The following UHRF2 variants were observed in gnomAD, a reference collection of about 807,000 sequenced individuals.
The protein encoded by UHRF2 is E3 ubiquitin-protein ligase UHRF2.
In UHRF2, 23 loss-of-function variants were observed where a neutral mutation model predicts 96.8. The ratio of observed to expected loss-of-function variants is 0.24; its 90% CI spans 0.17 to 0.34. The LOEUF is 0.34. Among genes scored for constraint, UHRF2 ranks in the 10% least tolerant of loss-of-function variants. The pLI is 1.00. For synonymous variants in UHRF2, 385 were observed against 332.6 expected (o/e 1.16, Z -1.72); for missense variants, 685 against 981.5 (o/e 0.70, Z 4.04).
At chr9:6,440,146 C>T (rs1369416205) in intron 3 of UHRF2, among the ~76,000 whole-genome samples, 1 of 152,098 alleles carries the variant, frequency 6.6e-6, no homozygotes, top group Non-Finnish European at 1.5e-5. Context: ...CAAGTAGAGA[C>T]CCTGAAGCTA....
At chr9:6,432,185 T>C (rs2130762587) in intron 2 of UHRF2, among the ~76,000 whole-genome samples, 1 of 152,340 alleles carries the variant, frequency 6.6e-6, no homozygotes, top group Admixed American at 6.5e-5. Context: ...CTTAGGTTTT[T>C]ATTTTTTCCT....
At chr9:6,465,902 A>G (rs770571572) in intron 4 of UHRF2, among the ~76,000 whole-genome samples, 2 of 152,218 alleles carry the variant, frequency 1.3e-5, no homozygotes, top group South Asian at 2.1e-4. Flanking sequence ...ATCAAATTCT[A>G]TTTTCATGTT....
intron 5 of UHRF2, among the ~76,000 whole-genome samples, chr9:6,476,708 C>T (rs976233644): frequency 1.3e-5 from 2 of 152,070 alleles, no homozygotes; most frequent in African/African-American, 4.8e-5. Context: ...GATTCTCCTG[C>T]CTTAGCCTCT....
At chr9:6,494,110 G>A (rs1349192606) in intron 10 of UHRF2, 178 bp downstream of exon 10, 1 of 526,476 alleles carries the variant, frequency 1.9e-6, no homozygotes, top group Non-Finnish European at 3.3e-6. Flanking sequence ...TCTTTATACT[G>A]TTATTTTTTA....
At chr9:6,456,233 T>C (rs1822165662) in intron 3 of UHRF2, among the ~76,000 whole-genome samples, 1 of 152,222 alleles carries the variant, frequency 6.6e-6, no homozygotes, top group South Asian at 2.1e-4. Flanking sequence ...CCATTCTAAC[T>C]GGCGTGATAT....
At chr9:6,413,837 C>A in intron 1 of UHRF2, 194 bp downstream of exon 1, 2 of 606,920 alleles carry the variant, frequency 3.3e-6, no homozygotes, top group East Asian at 7.3e-5. Flanking sequence ...TCCCTGCCAG[C>A]CCCAACTGGA....
intron 10 of UHRF2, 146 bp downstream of exon 10, chr9:6,494,078 T>G (rs1824828107): frequency 1.5e-6 from 1 of 647,778 alleles, no homozygotes; most frequent in Middle Eastern, 4.2e-4. Flanking sequence ...ATTATGTAAT[T>G]GTTTTTCAGC....
At chr9:6,435,688 C>T (rs185442040) in intron 3 of UHRF2, among the ~76,000 whole-genome samples, 271 of 152,266 alleles carry the variant, frequency 1.8e-3, no homozygotes, top group African/African-American at 6.2e-3. Context: ...CTCACTGCAA[C>T]CTCTGCCTTT....
At chr9:6,481,506 TA>T in intron 6 of UHRF2, 136 bp from the exon 7 acceptor site, 3 of 929,768 alleles carry the variant, frequency 3.2e-6, no homozygotes, top group Non-Finnish European at 4.6e-6. Context: ...TTTAGTATTT[TA>T]ATGCCAGTTA....
rs149528134 is a variant in UHRF2 at position 6,460,657 on chromosome 9, T to A, written c.729T>A (p.Asn243Lys). Residue 243 changes from asparagine to lysine, a missense_variant, in exon 4 of 16, where the codon AAT (asparagine) becomes AAA (lysine). Coordinates refer to ENST00000276893, the MANE Select transcript of UHRF2 (RefSeq NM_152896.3). ...ARTILKWNELNVGDVVMVNYN... is the reference protein window; with the variant it reads ...ARTILKWNELKVGDVVMVNYN... ...CCATTTTGAAATGGAATGAACTAAA[T>A]GTTGGTGATGTGGTAATGGTTAATT... 5.6e-6 allele frequency: 9 copies of A among 1,613,714 alleles called. No homozygotes were observed. In the African/African-American group the frequency reaches 1.1e-4, roughly 19 times the overall value.
intron 9 of UHRF2, chr9:6,492,467 T>C (rs1348781754): frequency 2.6e-5 from 17 of 663,466 alleles, no homozygotes; most frequent in Non-Finnish European, 3.0e-5. Flanking sequence ...TAATACCTTG[T>C]TTAAAAAATA....
At chr9:6,487,057 A>G (rs1255469264) in intron 9 of UHRF2, 132 bp downstream of exon 9, 4 of 761,666 alleles carry the variant, frequency 5.3e-6, no homozygotes, top group Non-Finnish European at 6.4e-6. Flanking sequence ...TCAGTTTTAT[A>G]CAAGTTAGAA....
chr9:6,415,913 A>G (rs1819570565), intron 1 of UHRF2, among the ~76,000 whole-genome samples: 1 of 152,232 alleles, frequency 6.6e-6, no homozygotes, highest in Non-Finnish European at 1.5e-5. Context: ...CTGGATTCTC[A>G]GGACCAGCAG....
At chr9:6,466,437 G>A (rs1415832085) in intron 4 of UHRF2, among the ~76,000 whole-genome samples, 1 of 151,964 alleles carries the variant, frequency 6.6e-6, no homozygotes, top group South Asian at 2.1e-4. Context: ...GTCCTTGGGA[G>A]GCTGAGGCAG....
At chr9:6,462,195 T>C (rs948402942) in intron 4 of UHRF2, among the ~76,000 whole-genome samples, 3 of 152,180 alleles carry the variant, frequency 2.0e-5, no homozygotes, top group Non-Finnish European at 2.9e-5. Flanking sequence ...TTAATTTATG[T>C]ATTATCTGTG....
At chr9:6,495,197 A>C (rs1824891858) in intron 10 of UHRF2, 1 of 152,212 alleles carries the variant, frequency 6.6e-6, no homozygotes, top group Non-Finnish European at 1.5e-5. Flanking sequence ...GTACATGTTA[A>C]GATTCCTTTC....
intron 1 of UHRF2, among the ~76,000 whole-genome samples, chr9:6,416,074 T>G (rs1819582098): frequency 6.6e-6 from 1 of 152,102 alleles, no homozygotes; most frequent in Non-Finnish European, 1.5e-5. Context: ...TGTTGTTGTT[T>G]TTGTTTTTTT....
chr9:6,449,091 G>T (rs1379909842), intron 3 of UHRF2, among the ~76,000 whole-genome samples: 1 of 152,108 alleles, frequency 6.6e-6, no homozygotes. Context: ...GATTTCCATT[G>T]CAAATGGCCT....
At chr9:6,462,269 C>G (rs1822590174) in intron 4 of UHRF2, among the ~76,000 whole-genome samples, 1 of 143,078 alleles carries the variant, frequency 7.0e-6, no homozygotes. Flanking sequence ...CCTGCAAAGC[C>G]AAAACTACTT....
Sources: gnomAD v4.1 joint callset for allele counts (sites outside exome capture counted in the v4.1 genomes callset) on GRCh38, gnomAD v4.1.1 for gene constraint, MANE v1.5 for transcripts, NCBI Gene and HGNC (gene_info 2026-07-23, HGNC 2026-07-21) for gene names.